SPATA17: variants seen among roughly 807,000 people sequenced by gnomAD.
SPATA17 encodes spermatogenesis associated 17.
Under a neutral mutation model 62.2 loss-of-function variants are expected in SPATA17, and 53 were observed. The observed-to-expected ratio is 0.85, with a 90% confidence interval of 0.68 to 1.07. The LOEUF (loss-of-function observed/expected upper bound fraction) is 1.07, where lower values mean the gene tolerates loss of function less well. Among genes scored for constraint, SPATA17 ranks in the 50% least tolerant of loss-of-function variants. The probability of loss-of-function intolerance (pLI) is 0.00; values close to 1 mark genes in which losing one functional copy is unlikely to be tolerated. For missense variants in SPATA17, 466 were observed against 425.5 expected (o/e 1.10, Z -0.84); for synonymous variants, 146 against 146.8 (o/e 0.99, Z 0.04).
chr1:217,859,058 T>A (rs1026911361), intron 9 of SPATA17, among the ~76,000 whole-genome samples: 7 of 148,512 alleles, frequency 4.7e-5, no homozygotes, highest in South Asian at 4.2e-4. Flanking sequence ...AAAATAAAAT[T>A]ATATATGTGT....
rs926059386 is a variant in SPATA17 at position 217,659,706 on chromosome 1, G to A, written c.240+8528G>A. On this transcript the variant is annotated intron_variant, in intron 3 of 10. Coordinates refer to ENST00000366933, the MANE Select transcript of SPATA17 (RefSeq NM_138796.4). ...TCCCTCGGGTGGCCCAAATTGGCTC[G>A]TCCTATATTTCTTTTTTTCAGGTAA... 8.6e-5 allele frequency among the ~76,000 whole-genome samples: 13 copies of A among 152,024 alleles called. No individual in the cohort carries two copies. In the South Asian group the frequency reaches 1.0e-3, roughly 12 times the overall value.
chr1:217,818,127 C>T (rs1316431864), intron 9 of SPATA17, among the ~76,000 whole-genome samples: 1 of 151,764 alleles, frequency 6.6e-6, no homozygotes, highest in African/African-American at 2.4e-5. Context: ...TATTCATTGC[C>T]AGTATTTTAT....
chr1:217,720,210 A>G (rs1672092605), intron 5 of SPATA17, among the ~76,000 whole-genome samples: 2 of 152,208 alleles, frequency 1.3e-5, no homozygotes, highest in South Asian at 4.1e-4. Context: ...GTCCAGTTTT[A>G]CCAAGTATAG....
At chr1:217,818,058 C>T (rs1674765654) in intron 9 of SPATA17, among the ~76,000 whole-genome samples, 1 of 151,906 alleles carries the variant, frequency 6.6e-6, no homozygotes, top group South Asian at 2.1e-4. Context: ...CAAGAATTCA[C>T]TTTAATTTTA....
chr1:217,674,419 A>C (rs529670379), intron 4 of SPATA17, among the ~76,000 whole-genome samples: 2 of 152,154 alleles, frequency 1.3e-5, no homozygotes, highest in African/African-American at 4.8e-5. Context: ...TGCCTCATCT[A>C]CTCAGCCTGC....
intron 9 of SPATA17, among the ~76,000 whole-genome samples, chr1:217,804,577 G>GAAATGATCAACAGCGTAAAGAGAC (rs1674390180): frequency 6.6e-6 from 1 of 152,020 alleles, no homozygotes; most frequent in Non-Finnish European, 1.5e-5. Flanking sequence ...CACAGCAAAG[G>GAAATGATCAACAGCGTAAAGAGAC]AAATGATCAA....
Position 217,774,530 on chromosome 1 carries a change from A to G in SPATA17, c.716A>G (p.Gln239Arg), listed in dbSNP as rs149196863. The change falls in exon 7 of 11, where the codon CAA (glutamine) becomes CGA (arginine). Residue 239 changes from glutamine (Q) to arginine (R), a missense_variant. Physicochemically the swap from Gln to Arg is conservative, Grantham distance 43. Transcript: ENST00000366933. ...ATTCTACCACCTATTAATAGAAAGC[A>G]ATGTCAGGTACTAGTTTGCTGTATA... ...SEILPPINRK[Q>R]CQGPFRDITE... 2.5e-6 allele frequency: 4 copies of G among 1,613,396 alleles called. No homozygotes were observed. The African/African-American group carries it at 4.0e-5, about 16-fold the overall frequency.
chr1:217,839,254 C>T lies in SPATA17; in HGVS notation c.1006-23520C>T, dbSNP rs1675334909. Among the ~76,000 whole-genome samples, 7 of 152,206 alleles carry T rather than the reference C, an allele frequency of 4.6e-5. No individual in the cohort carries two copies. In the South Asian group the frequency reaches 1.5e-3, roughly 32 times the overall value. Reference sequence around the variant, plus strand: ...AACAGAGACTAGAGAAGCCTCTCATCAGCCTCTTCTGAAGTCTGAGGGACC... The same window carrying T: ...AACAGAGACTAGAGAAGCCTCTCATTAGCCTCTTCTGAAGTCTGAGGGACC... On this transcript the variant is annotated intron_variant, in intron 9 of 10. Coordinates refer to ENST00000366933, the MANE Select transcript of SPATA17 (RefSeq NM_138796.4).
intron 9 of SPATA17, among the ~76,000 whole-genome samples, chr1:217,858,805 G>A (rs1187643406): frequency 1.3e-5 from 2 of 152,044 alleles, no homozygotes; most frequent in African/African-American, 4.8e-5. Flanking sequence ...CAAGGCGGGT[G>A]GATCACAAGG....
At chr1:217,657,651 G>A (rs968351792) in intron 3 of SPATA17, among the ~76,000 whole-genome samples, 2 of 152,108 alleles carry the variant, frequency 1.3e-5, no homozygotes, top group African/African-American at 2.4e-5. Context: ...ATGTCATACA[G>A]TATATGATTA....
intron 9 of SPATA17, among the ~76,000 whole-genome samples, chr1:217,852,811 A>G (rs1039191724): frequency 1.3e-5 from 2 of 151,928 alleles, no homozygotes; most frequent in South Asian, 4.1e-4. Flanking sequence ...GCATGATTAC[A>G]CTCTCACCTC....
intron 3 of SPATA17, among the ~76,000 whole-genome samples, chr1:217,665,109 A>G (rs1232054275): frequency 6.6e-6 from 1 of 152,218 alleles, no homozygotes; most frequent in Non-Finnish European, 1.5e-5. Flanking sequence ...TTTGACCTGT[A>G]AGAGAGTAGT....
intron 4 of SPATA17, among the ~76,000 whole-genome samples, chr1:217,678,426 T>G (rs574105678): frequency 6.6e-6 from 1 of 151,972 alleles, no homozygotes; most frequent in South Asian, 2.1e-4. Flanking sequence ...GCCAGGCTGG[T>G]CTCGAACTCC....
intron 9 of SPATA17, among the ~76,000 whole-genome samples, chr1:217,810,551 G>A (rs77359757): frequency 0.12 from 17,674 of 151,926 alleles, 1,120 homozygotes; most frequent in Non-Finnish European, 0.14. Flanking sequence ...GAACCCAGGA[G>A]GCAGAGGCAT....
In SPATA17 at chr1:217,673,754, G is replaced by A. The variant is rs138167284; in HGVS notation, c.291+4671G>A. On this transcript the variant is annotated intron_variant, in intron 4 of 10. Transcript: ENST00000366933. Reference sequence around the variant, plus strand: ...TCCAAATACTGGGCTTAGAGAGTCCGGTTCCTGGCAATATTACAAAGATGA... The same window carrying A: ...TCCAAATACTGGGCTTAGAGAGTCCAGTTCCTGGCAATATTACAAAGATGA... Among the ~76,000 whole-genome samples, 605 of 152,162 alleles carry A rather than the reference G, an allele frequency of 4.0e-3. 4 individuals are homozygous for A. Among genetic ancestry groups the A allele is most frequent in the South Asian group, 6.8e-3 (33 of 4,822 alleles).
At chr1:217,829,627 C>CAAAAAAAAAAAAAAA (rs397982930) in intron 9 of SPATA17, among the ~76,000 whole-genome samples, 5 of 46,756 alleles carry the variant, frequency 1.1e-4, no homozygotes, top group African/African-American at 2.0e-4. Flanking sequence ...GACTCCATCT[C>CAAAAAAAAAAAAAAA]AAAAAAAAAA....
At chr1:217,658,339 A>T (rs939358818) in intron 3 of SPATA17, among the ~76,000 whole-genome samples, 2 of 152,148 alleles carry the variant, frequency 1.3e-5, no homozygotes, top group Admixed American at 6.5e-5. Context: ...CTCTCTTGCC[A>T]TGTGACATGC....
chr1:217,857,330 T>C (rs572815854), intron 9 of SPATA17, among the ~76,000 whole-genome samples: 1 of 152,258 alleles, frequency 6.6e-6, no homozygotes, highest in South Asian at 2.1e-4. Context: ...TGACTTGGGT[T>C]TGAAAAAGGA....
intron 10 of SPATA17, among the ~76,000 whole-genome samples, chr1:217,863,582 GAA>G (rs1675941154): frequency 6.6e-6 from 1 of 152,100 alleles, no homozygotes; most frequent in East Asian, 1.9e-4. Flanking sequence ...TTTGAAGTAT[GAA>G]GTGTCTTACA....
Sources: gnomAD v4.1 joint callset for allele counts (sites outside exome capture counted in the v4.1 genomes callset) on GRCh38, gnomAD v4.1.1 for gene constraint, MANE v1.5 for transcripts, NCBI Gene and HGNC (gene_info 2026-07-23, HGNC 2026-07-21) for gene names.